The following EFCAB13 variants were observed in gnomAD, a reference collection of about 807,000 sequenced individuals.
EFCAB13 encodes EF-hand calcium binding domain 13.
Under a neutral mutation model 110.2 loss-of-function variants are expected in EFCAB13, and 91 were observed. The observed-to-expected ratio is 0.83, with a 90% CI of 0.70 to 0.98. EFCAB13 has a LOEUF of 0.98. Ranked by LOEUF, EFCAB13 falls within the 50% of genes least tolerant of loss-of-function variation. The pLI, the probability that EFCAB13 is intolerant of heterozygous loss-of-function variation, is 0.00. For synonymous variants in EFCAB13, 323 were observed against 369.9 expected, an observed-to-expected ratio of 0.87 and a Z score of 1.45; for missense variants, 968 against 1,119.4, an observed-to-expected ratio of 0.86 and a Z score of 1.93.
chr17:47,397,842 C>T (rs13271861), intron 17 of EFCAB13, among the ~76,000 whole-genome samples: 2 of 151,622 alleles, frequency 1.3e-5, no homozygotes, highest in Non-Finnish European at 2.9e-5. Flanking sequence ...AAGTGAAGAG[C>T]CCCTCCACCC....
intron 5 of EFCAB13, among the ~76,000 whole-genome samples, chr17:47,336,918 GA>G (rs1363094739): frequency 6.6e-6 from 1 of 152,086 alleles, no homozygotes; most frequent in African/African-American, 2.4e-5. Context: ...AAAACATTCA[GA>G]GCTTATGTCA....
intron 24 of EFCAB13, among the ~76,000 whole-genome samples, chr17:47,432,399 A>AAAATAAATAAATAAAT (rs60375757): frequency 2.2e-4 from 31 of 138,542 alleles, no homozygotes; most frequent in African/African-American, 3.6e-4. Context: ...ATCCATCTCA[A>AAAATAAATAAATAAAT]AAATAAATAA....
At chr17:47,338,868 A>T (rs1333165717) in intron 5 of EFCAB13, among the ~76,000 whole-genome samples, 1 of 151,662 alleles carries the variant, frequency 6.6e-6, no homozygotes, top group Non-Finnish European at 1.5e-5. Flanking sequence ...AAAAAGCAAG[A>T]TACTTTTTCT....
chr17:47,423,548 A>C, intron 23 of EFCAB13: 2 of 296,966 alleles, frequency 6.7e-6, no homozygotes, highest in Non-Finnish European at 1.2e-5. Flanking sequence ...CGTGCCAGGC[A>C]CGGTGCCGGC....
At chr17:47,393,553 C>T (rs999003635) in intron 15 of EFCAB13, among the ~76,000 whole-genome samples, 3 of 151,772 alleles carry the variant, frequency 2.0e-5, no homozygotes, top group African/African-American at 7.3e-5. Context: ...CCCCATCTCT[C>T]CTAAAAATAT....
chr17:47,345,884 C>G (rs1296679681), intron 8 of EFCAB13, among the ~76,000 whole-genome samples: 1 of 152,108 alleles, frequency 6.6e-6, no homozygotes, highest in African/African-American at 2.4e-5. Context: ...CCTTTGGTAT[C>G]TATTCCAAAC....
intron 11 of EFCAB13, 80 bp from the exon 12 acceptor site, chr17:47,374,392 A>T: frequency 8.4e-7 from 1 of 1,190,036 alleles, no homozygotes; most frequent in Admixed American, 2.8e-5. Flanking sequence ...AATAGTTTTC[A>T]TGAGGACTTA....
chr17:47,440,526 T>C lies in EFCAB13; in HGVS notation c.2734T>C (p.Tyr912His). The C allele has an allele frequency of 6.2e-7, 1 of 1,613,152 alleles. No homozygotes were observed. Residue 912 changes from tyrosine (Y) to histidine (H), a missense_variant, in exon 25 of 25, where the codon TAT becomes CAT. Transcript: ENST00000331493. Reference sequence around the variant, plus strand: ...AGGTAAGTTTTATTTAATATGTACTTATTGCCCAGATCTAGAAAGGCAAGC... The same window carrying C: ...AGGTAAGTTTTATTTAATATGTACTCATTGCCCAGATCTAGAAAGGCAAGC... ...AAGKFYLICT[Y>H]CPDLERQAVV...
At chr17:47,359,935 T>C (rs898386861) in intron 9 of EFCAB13, among the ~76,000 whole-genome samples, 2 of 151,564 alleles carry the variant, frequency 1.3e-5, no homozygotes, top group Admixed American at 1.3e-4. Context: ...TTCATCCATG[T>C]CCCTACAAAG....
At position 47,335,222 on chromosome 17, in the gene EFCAB13, T is replaced by G. The variant is rs960053254; in HGVS notation, c.57T>G (p.Asp19Glu). The change falls in exon 5 of 25, where the codon GAT becomes GAG. Residue 19 changes from aspartate to glutamate, a missense_variant. By Grantham distance (45) the Asp-to-Glu change is conservative. Transcript: ENST00000331493. The part of the protein sequence containing the change: ...CQAEENIDLL[D>E]DGSNSFATDL... ...CAGAGGAAAATATTGACTTATTAGA[T>G]GATGGCTCTAATTCTTTTGCAACTG... 3 of 1,607,232 alleles carry G rather than the reference T, an allele frequency of 1.9e-6. No individual in the cohort carries two copies. The African/African-American group carries it at 4.0e-5, about 22-fold the overall frequency.
intron 19 of EFCAB13, 37 bp downstream of exon 19, chr17:47,404,058 T>C (rs77827356): frequency 1.3e-6 from 2 of 1,519,576 alleles, no homozygotes; most frequent in Non-Finnish European, 8.9e-7. Flanking sequence ...GTTTTTTTTT[T>C]GTAGGAGTAA....
At position 47,391,662 on chromosome 17, in the gene EFCAB13, CTAAT is replaced by C. The variant is rs574248429; in HGVS notation, c.1726+84_1726+87del. ...TGTTATTTTTTTCTTAGAAAAATGA[CTAAT>C]TTTTTTATTATAAAAAGTTAAAATT... is the stretch of plus-strand genomic sequence containing the variant. On this transcript the variant is annotated intron_variant, in intron 15 of 24. Coordinates refer to ENST00000331493, the MANE Select transcript of EFCAB13 (RefSeq NM_152347.5). 5.1e-4 allele frequency: 644 copies of C among 1,268,910 alleles called. 4 individuals carry two copies. In the African/African-American group the frequency reaches 9.3e-3, roughly 18 times the overall value. The allele number at this position is 1,268,910 out of a possible 1,614,324, so 78.6% of individuals were successfully genotyped here. A position where few individuals can be genotyped will look rare whatever the true frequency, so the allele number is the denominator to read the frequency against.
chr17:47,325,963 G>T (rs12938475), intron 2 of EFCAB13, among the ~76,000 whole-genome samples: 4,470 of 63,334 alleles, frequency 0.071, 171 homozygotes, highest in East Asian at 0.23. Flanking sequence ...TATATATATA[G>T]CATATATATA....
chr17:47,404,119 T>C, intron 19 of EFCAB13, 98 bp downstream of exon 19: 1 of 949,996 alleles, frequency 1.1e-6, no homozygotes, highest in Admixed American at 3.0e-5. Flanking sequence ...ATAAATGTAA[T>C]CTTTGAAACG....
intron 7 of EFCAB13, 53 bp from the exon 8 acceptor site, chr17:47,344,963 T>C: frequency 7.5e-7 from 1 of 1,337,680 alleles, no homozygotes; most frequent in Non-Finnish European, 1.1e-6. Context: ...TATTTTAAAA[T>C]GGAATTTGCA....
chr17:47,403,418 C>A (rs1264397743), intron 18 of EFCAB13, among the ~76,000 whole-genome samples: 1 of 152,112 alleles, frequency 6.6e-6, no homozygotes, highest in Non-Finnish European at 1.5e-5. Context: ...TCTGACTTAA[C>A]CAGTGCTGGA....
Position 47,395,976 on chromosome 17 carries a change from T to C in EFCAB13, c.1944T>C (p.Asp648=). The C allele has an allele frequency of 6.2e-7, 1 of 1,601,158 alleles. No homozygotes were observed. The highest frequency in any genetic ancestry group is 1.1e-5 in the South Asian group (1 of 88,996). Residue 648 remains aspartate (D), a splice_region_variant and synonymous_variant, in exon 17 of 25, where the codon GAT becomes GAC. Transcript: ENST00000331493. The stretch of plus-strand genomic sequence containing the variant: ...CTGCATTGGAACTAGTGACAGTTGA[T>C]GGTGAGTGTTACAAATACTAAAATT... ...FLAALELVTV[D]EGDKVQFEEF... is the part of the protein sequence containing the mutation.
rs1472551082 is a variant in EFCAB13, at chr17:47,324,460, T to G, written c.-311T>G. 2 of 152,172 alleles carry G rather than the reference T, an allele frequency of 1.3e-5. No individual in the cohort carries two copies. Among genetic ancestry groups the G allele is most frequent in the Non-Finnish European group, 2.9e-5 (2 of 68,034 alleles). 9.4% of individuals were successfully genotyped at this position (152,172 alleles called of 1,614,324 possible). On this transcript the variant is annotated 5_prime_UTR_variant, in exon 2 of 25. Transcript: ENST00000331493. ...GTCCTCTTTCTTCCTGTAGAAGTCGTTGGCTTCGTAAGAGCAGGGTCTATG... is the reference window on the plus strand; with the variant it reads ...GTCCTCTTTCTTCCTGTAGAAGTCGGTGGCTTCGTAAGAGCAGGGTCTATG...
intron 11 of EFCAB13, among the ~76,000 whole-genome samples, chr17:47,371,989 G>A (rs546809332): frequency 1.4e-3 from 207 of 152,268 alleles, no homozygotes; most frequent in Middle Eastern, 3.4e-3. Context: ...AGACATACCC[G>A]AGACTGGGTA....
Sources: gnomAD v4.1 joint callset for allele counts (sites outside exome capture counted in the v4.1 genomes callset) on GRCh38, gnomAD v4.1.1 for gene constraint, MANE v1.5 for transcripts, NCBI Gene and HGNC (gene_info 2026-07-23, HGNC 2026-07-21) for gene names.